The following IL22RA2 variants were observed in gnomAD, a reference collection of about 807,000 sequenced individuals.
IL22RA2 encodes interleukin-22 receptor subunit alpha-2.
IL22RA2 carries 39 observed loss-of-function variants against 30.7 expected under a neutral mutation model. The ratio of observed to expected loss-of-function variants is 1.27; its 90% CI spans 0.98 to 1.66. The LOEUF is 1.66. Ranked by LOEUF, IL22RA2 falls within the 40% of genes most tolerant of loss-of-function variation. The pLI is 0.00. For missense variants in IL22RA2, 315 were observed against 312.7 expected (o/e 1.01, Z -0.05); for synonymous variants, 103 against 105.0 (o/e 0.98, Z 0.11).
chr6:137,147,663 A>G (rs893689378), intron 6 of IL22RA2, 59 bp downstream of exon 6: 9 of 1,325,986 alleles, frequency 6.8e-6, no homozygotes, highest in East Asian at 2.4e-5. Flanking sequence ...TATGACCACA[A>G]TATTGGTTAA....
At chr6:137,151,787 G>A (rs1174599423) in intron 5 of IL22RA2, among the ~76,000 whole-genome samples, 1 of 152,128 alleles carries the variant, frequency 6.6e-6, no homozygotes, top group Non-Finnish European at 1.5e-5. Flanking sequence ...TAGCCAATAA[G>A]CATAAAACAG....
chr6:137,145,784 G>A lies in IL22RA2; in HGVS notation c.643-11C>T, dbSNP rs755644816. The stretch of plus-strand genomic sequence containing the variant: ...ATAAACCTTTTGCTCCTACACACGA[G>A]AGAGAAAATAATCAGTTGGTAAATG... On this transcript the variant is annotated splice_polypyrimidine_tract_variant and intron_variant, in intron 6 of 6. Transcript: ENST00000296980. The A allele has an allele frequency of 1.5e-5, 25 of 1,613,304 alleles. No homozygotes were observed. The highest frequency in any genetic ancestry group is 3.3e-5 in the Admixed American group (2 of 59,832).
At chr6:137,145,856 T>C (rs1445060670) in intron 6 of IL22RA2, 83 bp from the exon 7 acceptor site, 4 of 1,433,032 alleles carry the variant, frequency 2.8e-6, no homozygotes, top group African/African-American at 2.8e-5. Flanking sequence ...TAACAAGTTG[T>C]ACATGGTCAC....
chr6:137,153,133 A>G (rs901980434), intron 5 of IL22RA2, among the ~76,000 whole-genome samples: 7 of 152,162 alleles, frequency 4.6e-5, no homozygotes, highest in Non-Finnish European at 4.4e-5. Context: ...CACTCCTGGG[A>G]CCACACATAC....
At chr6:137,164,885 T>C (rs750405946) in intron 1 of IL22RA2, among the ~76,000 whole-genome samples, 44 of 152,326 alleles carry the variant, frequency 2.9e-4, no homozygotes, top group African/African-American at 1.0e-3. Flanking sequence ...CTCCCTCCTA[T>C]AGAGAGAAGC....
At chr6:137,164,299 T>A (rs1778584529) in intron 1 of IL22RA2, among the ~76,000 whole-genome samples, 1 of 152,112 alleles carries the variant, frequency 6.6e-6, no homozygotes, top group Admixed American at 6.5e-5. Context: ...TTTCGGGTGG[T>A]CACCAGGCTT....
intron 3 of IL22RA2, among the ~76,000 whole-genome samples, 173 bp from the exon 4 acceptor site, chr6:137,157,027 C>T (rs937070275): frequency 7.9e-5 from 12 of 152,122 alleles, no homozygotes; most frequent in Admixed American, 7.2e-4. Flanking sequence ...ATGAGTGCTC[C>T]ATCCCCATGA....
At chr6:137,170,013 A>G (rs748043697) in intron 1 of IL22RA2, among the ~76,000 whole-genome samples, 1 of 152,184 alleles carries the variant, frequency 6.6e-6, no homozygotes. Flanking sequence ...AAACTGTAAT[A>G]CTAGGCTTTG....
rs1778416876 is a variant in IL22RA2, at chr6:137,156,837, A to G, written c.215T>C (p.Met72Thr). 7 of 1,613,714 alleles carry G rather than the reference A, an allele frequency of 4.3e-6. No homozygotes were observed. Among genetic ancestry groups the G allele is most frequent in the Non-Finnish European group, 5.9e-6 (7 of 1,179,632 alleles). ...ACTTGGCTTCTGGTGAGAGCTTTTC[A>G]TGCTGCATGAGAACATGCTAGAGAA... Reference protein sequence around the residue: ...VQYKIMFSCSMKSSHQKPSGC... With the variant: ...VQYKIMFSCSTKSSHQKPSGC... The change falls in exon 4 of 7, where the codon ATG becomes ACG. Residue 72 changes from methionine (M) to threonine (T), a missense_variant. Transcript: ENST00000296980.
intron 2 of IL22RA2, among the ~76,000 whole-genome samples, chr6:137,161,128 G>A (rs1778513506): frequency 6.6e-6 from 1 of 152,176 alleles, no homozygotes; most frequent in Non-Finnish European, 1.5e-5. Context: ...TCCCTATCCT[G>A]TGCCAGGCAC....
rs374132510 is a variant in IL22RA2 at position 137,156,743 on chromosome 6, A to G, written c.293+16T>C. On this transcript the variant is annotated intron_variant, in intron 4 of 6. Transcript: ENST00000296980. ...AACACCTGAGGCTAGGTAATTGATA[A>G]GGAAAAGAGGTGTACTTAGCCAATG... 5 of 1,607,578 alleles carry G rather than the reference A, an allele frequency of 3.1e-6. No homozygotes were observed. Among genetic ancestry groups the G allele is most frequent in the African/African-American group, 1.3e-5 (1 of 74,834 alleles).
At chr6:137,149,755 C>A (rs1449288732) in intron 5 of IL22RA2, among the ~76,000 whole-genome samples, 1 of 152,172 alleles carries the variant, frequency 6.6e-6, no homozygotes, top group African/African-American at 2.4e-5. Flanking sequence ...TTAAAAAATT[C>A]TTGTACCTGC....
chr6:137,154,736 A>G (rs1778362071), intron 5 of IL22RA2, among the ~76,000 whole-genome samples: 1 of 152,226 alleles, frequency 6.6e-6, no homozygotes, highest in Non-Finnish European at 1.5e-5. Flanking sequence ...GATTGGAGCA[A>G]TGACTAAAGC....
chr6:137,146,235 T>C (rs535391628), intron 6 of IL22RA2, among the ~76,000 whole-genome samples: 22 of 152,304 alleles, frequency 1.4e-4, no homozygotes, highest in Middle Eastern at 6.8e-3. Flanking sequence ...TTTCACCATG[T>C]TGACCAGGCA....
chr6:137,169,975 G>A (rs372260412), intron 1 of IL22RA2, among the ~76,000 whole-genome samples: 40 of 152,298 alleles, frequency 2.6e-4, no homozygotes, highest in African/African-American at 8.9e-4. Flanking sequence ...ACTCTTTGGA[G>A]GACGGTTTTC....
chr6:137,168,573 G>A (rs555304207), intron 1 of IL22RA2, among the ~76,000 whole-genome samples: 33 of 152,256 alleles, frequency 2.2e-4, no homozygotes, highest in East Asian at 1.4e-3. Context: ...AGGAGAGTCC[G>A]AAAAAGAGTG....
At chr6:137,145,885 G>T in intron 6 of IL22RA2, 112 bp from the exon 7 acceptor site, 1 of 1,122,158 alleles carries the variant, frequency 8.9e-7, no homozygotes, top group Non-Finnish European at 1.3e-6. Flanking sequence ...ATGGGTTGTG[G>T]GGTTTCTTCC....
intron 1 of IL22RA2, among the ~76,000 whole-genome samples, chr6:137,172,341 A>G (rs757119185): frequency 6.6e-6 from 1 of 152,214 alleles, no homozygotes; most frequent in Admixed American, 6.5e-5. Flanking sequence ...ATTCTCCCCA[A>G]AACGTGAGCT....
chr6:137,149,148 G>A (rs1301238584), intron 5 of IL22RA2, among the ~76,000 whole-genome samples: 3 of 151,956 alleles, frequency 2.0e-5, no homozygotes, highest in Non-Finnish European at 4.4e-5. Context: ...AGGCATCTTT[G>A]GGTGAAAGTC....
Sources: allele counts gnomAD v4.1 joint callset (sites outside exome capture counted in the v4.1 genomes callset), GRCh38; gene constraint gnomAD v4.1.1; transcripts MANE v1.5; gene names NCBI Gene and HGNC (gene_info 2026-07-23, HGNC 2026-07-21).